NTN4: variants seen among roughly 807,000 people sequenced by gnomAD.
NTN4 encodes netrin 4.
In NTN4, 32 loss-of-function variants were observed where a neutral mutation model predicts 73.6. The observed-to-expected ratio is 0.44, with a 90% CI of 0.33 to 0.58. NTN4 has a LOEUF of 0.58. Ranked by LOEUF, NTN4 falls within the 20% of genes least tolerant of loss-of-function variation. NTN4 has a pLI of 0.04. For synonymous variants in NTN4, 258 were observed against 287.5 expected (o/e 0.90, Z 1.04); for missense variants, 654 against 798.3 (o/e 0.82, Z 2.18).
chr12:95,757,045 T>C (rs2078951841), intron 2 of NTN4, among the ~76,000 whole-genome samples: 1 of 152,190 alleles, frequency 6.6e-6, no homozygotes, highest in Admixed American at 6.5e-5. Flanking sequence ...ATACCATGTC[T>C]ATTTTTAAAT....
intron 5 of NTN4, among the ~76,000 whole-genome samples, chr12:95,705,320 A>G (rs1439224537): frequency 6.6e-6 from 1 of 152,136 alleles, no homozygotes; most frequent in Non-Finnish European, 1.5e-5. Context: ...ATTATAGTAG[A>G]TGACGCACAT....
chr12:95,732,024 C>T (rs1221002684), intron 3 of NTN4, among the ~76,000 whole-genome samples: 1 of 152,150 alleles, frequency 6.6e-6, no homozygotes, highest in East Asian at 1.9e-4. Context: ...ATTTATAATC[C>T]ATGATAGTTT....
chr12:95,752,575 C>T (rs1162309882), intron 2 of NTN4, among the ~76,000 whole-genome samples: 2 of 152,068 alleles, frequency 1.3e-5, no homozygotes, highest in Non-Finnish European at 2.9e-5. Flanking sequence ...CAAATTTCTT[C>T]CTCATCTGTT....
intron 2 of NTN4, among the ~76,000 whole-genome samples, chr12:95,739,380 C>T (rs1054642581): frequency 1.3e-5 from 2 of 152,156 alleles, no homozygotes; most frequent in Non-Finnish European, 2.9e-5. Context: ...TAAACTCAAA[C>T]CACATTCTGT....
intron 2 of NTN4, among the ~76,000 whole-genome samples, chr12:95,772,236 C>T (rs1030464538): frequency 2.0e-5 from 3 of 152,090 alleles, no homozygotes; most frequent in Non-Finnish European, 4.4e-5. Flanking sequence ...GACAGGGTTT[C>T]GCCATGTTAC....
At chr12:95,659,898 A>G (rs1478691258) in intron 9 of NTN4, among the ~76,000 whole-genome samples, 2 of 152,182 alleles carry the variant, frequency 1.3e-5, no homozygotes, top group Non-Finnish European at 2.9e-5. Context: ...ACCATGCTCT[A>G]TGACAAAAGA....
Position 95,670,129 on chromosome 12 carries a change from C to T in NTN4, c.1528G>A (p.Glu510Lys), listed in dbSNP as rs935995706. 6.3e-7 allele frequency: 1 copy of T among 1,593,570 alleles called. No homozygotes were observed. The stretch of plus-strand genomic sequence containing the variant: ...GCCTTGGCATTTCCTAATGTCTGTT[C>T]CTTACATTCGCATTTACCTATGGAA... ...LLHSGKCECK[E>K]QTLGNAKAFC... Residue 510 changes from glutamate (E) to lysine (K), a missense_variant, in exon 8 of 10, where the codon GAA (glutamate) becomes AAA (lysine). By Grantham distance (56) the Glu-to-Lys change is moderately conservative (BLOSUM62 1). Coordinates refer to ENST00000343702, the MANE Select transcript of NTN4 (RefSeq NM_021229.4).
intron 2 of NTN4, among the ~76,000 whole-genome samples, chr12:95,769,683 T>A (rs1380002774): frequency 6.6e-6 from 1 of 151,702 alleles, no homozygotes; most frequent in Admixed American, 6.6e-5. Context: ...ATGGTTGAAG[T>A]ATGGACATTG....
intron 5 of NTN4, among the ~76,000 whole-genome samples, chr12:95,698,799 A>G (rs2078460603): frequency 6.6e-6 from 1 of 152,052 alleles, no homozygotes; most frequent in Non-Finnish European, 1.5e-5. Context: ...TGAGGCTGCA[A>G]TGAGCCATGT....
At position 95,666,637 on chromosome 12, in the gene NTN4, A is replaced by C. The variant is rs1486104174; in HGVS notation, c.1580-657T>G. On this transcript the variant is annotated intron_variant, in intron 8 of 9. Coordinates refer to ENST00000343702, the MANE Select transcript of NTN4 (RefSeq NM_021229.4). ...CTACCACATCTAAACAGAGAGAGGAAACATAGGAAGTAGAATTATCCTGGC... is the reference window on the plus strand; with the variant it reads ...CTACCACATCTAAACAGAGAGAGGACACATAGGAAGTAGAATTATCCTGGC... Among the ~76,000 whole-genome samples, 3 of 152,350 alleles carry C rather than the reference A, an allele frequency of 2.0e-5. No individual in the cohort carries two copies. In the East Asian group the frequency reaches 5.8e-4, roughly 29 times the overall value.
chr12:95,687,597 C>T (rs1417843748), intron 5 of NTN4, among the ~76,000 whole-genome samples: 2 of 151,938 alleles, frequency 1.3e-5, no homozygotes, highest in African/African-American at 4.8e-5. Context: ...GATGGAGTTT[C>T]ACCATGTTGG....
At chr12:95,763,040 T>C (rs183411566) in intron 2 of NTN4, among the ~76,000 whole-genome samples, 67 of 152,350 alleles carry the variant, frequency 4.4e-4, no homozygotes, top group African/African-American at 1.4e-3. Context: ...ATAAAAATCC[T>C]AAGTTTCTGT....
chr12:95,735,942 TTTATTTA>T (rs1555218792), intron 3 of NTN4, among the ~76,000 whole-genome samples: 4 of 149,376 alleles, frequency 2.7e-5, no homozygotes, highest in African/African-American at 1.0e-4. Flanking sequence ...TATTTATTTA[TTTATTTA>T]TTTTTTTGAG....
chr12:95,703,717 C>T (rs942451778), intron 5 of NTN4, among the ~76,000 whole-genome samples: 2 of 152,158 alleles, frequency 1.3e-5, no homozygotes, highest in African/African-American at 4.8e-5. Flanking sequence ...ACCACAGAAA[C>T]ATATTTATTC....
intron 2 of NTN4, among the ~76,000 whole-genome samples, chr12:95,754,460 T>C (rs986548725): frequency 1.3e-5 from 2 of 152,166 alleles, no homozygotes; most frequent in Non-Finnish European, 2.9e-5. Flanking sequence ...GGCAGGAATG[T>C]CAGGCCTCTG....
At chr12:95,729,455 A>G (rs2078720105) in intron 3 of NTN4, among the ~76,000 whole-genome samples, 1 of 152,180 alleles carries the variant, frequency 6.6e-6, no homozygotes, top group Non-Finnish European at 1.5e-5. Context: ...GTACTAATTT[A>G]CTATTTTATT....
In NTN4 at chr12:95,713,221, C is replaced by T. The variant is rs369926222; in HGVS notation, c.982G>A (p.Glu328Lys). Residue 328 changes from glutamate (E) to lysine (K), a missense_variant, in exon 4 of 10, where the codon GAG becomes AAG. Transcript: ENST00000343702. ...AADGKTGAPN[E>K]CRTCKCNGHA... Reference sequence around the variant, plus strand: ...TGGGCTTGTTACTTACTTCTGCACTCGTTGGGAGCCCCCGTTTTGCCATCA... The same window carrying T: ...TGGGCTTGTTACTTACTTCTGCACTTGTTGGGAGCCCCCGTTTTGCCATCA... The T allele has an allele frequency of 5.6e-6, 9 of 1,613,230 alleles. No individual in the cohort carries two copies. The African/African-American group carries it at 6.7e-5, about 12-fold the overall frequency.
At chr12:95,682,868 G>T in intron 6 of NTN4, 46 bp from the exon 7 acceptor site, 1 of 1,139,224 alleles carries the variant, frequency 8.8e-7, no homozygotes, top group Non-Finnish European at 1.3e-6. Context: ...GAATTTTTTA[G>T]AACTTGTATA....
rs1565920712 is a variant in NTN4, at chr12:95,786,920, G to A, written c.585+19C>T. The A allele has an allele frequency of 6.2e-7, 1 of 1,608,528 alleles. No homozygotes were observed. The highest frequency in any genetic ancestry group is 8.5e-7 in the Non-Finnish European group (1 of 1,175,772). ...TTTTCTATCTTACTTACAGTGTAGA[G>A]TTAAACAGGTGCCCTTACCTCTCCT... On this transcript the variant is annotated intron_variant, in intron 2 of 9. Transcript: ENST00000343702.
Sources: allele counts gnomAD v4.1 joint callset (sites outside exome capture counted in the v4.1 genomes callset), GRCh38; gene constraint gnomAD v4.1.1; transcripts MANE v1.5; gene names NCBI Gene and HGNC (gene_info 2026-07-23, HGNC 2026-07-21).